Variants in ARHGAP15 observed in about 807,000 individuals in gnomAD.
ARHGAP15 encodes the protein rho GTPase-activating protein 15.
In ARHGAP15, 51 loss-of-function variants were observed where a neutral mutation model predicts 63.7. That is an observed-to-expected ratio of 0.80 (90% CI 0.64 to 1.01). The LOEUF (loss-of-function observed/expected upper bound fraction) is 1.01. ARHGAP15 is among the 50% of genes least tolerant of loss of function. The pLI is 0.00. For missense variants in ARHGAP15, 560 were observed against 564.6 expected, an observed-to-expected ratio of 0.99 and a Z score of 0.08; for synonymous variants, 191 against 193.8, an observed-to-expected ratio of 0.99 and a Z score of 0.12.
chr2:143,730,892 T>TAAAAA (rs1158246680), intron 13 of ARHGAP15, among the ~76,000 whole-genome samples: 4 of 84,052 alleles, frequency 4.8e-5, no homozygotes, highest in African/African-American at 9.2e-5. Context: ...AGCACTCCTT[T>TAAAAA]AAAAAAAAAA....
intron 10 of ARHGAP15, among the ~76,000 whole-genome samples, chr2:143,538,639 A>T (rs1022426494): frequency 2.6e-4 from 39 of 152,280 alleles, no homozygotes; most frequent in African/African-American, 9.4e-4. Flanking sequence ...TGAGATAATC[A>T]TGTGGTTTTT....
chr2:143,353,193 G>T (rs756526314), intron 6 of ARHGAP15, among the ~76,000 whole-genome samples: 3 of 152,178 alleles, frequency 2.0e-5, no homozygotes, highest in Non-Finnish European at 4.4e-5. Context: ...ACCGGAGGCT[G>T]AGTCTGAGGA....
chr2:143,177,937 C>G (rs1385446097), intron 2 of ARHGAP15, among the ~76,000 whole-genome samples: 2 of 152,106 alleles, frequency 1.3e-5, no homozygotes, highest in African/African-American at 4.8e-5. Context: ...ACTGTATCTA[C>G]TTAATATGTG....
At chr2:143,461,688 T>A (rs1574481195) in intron 8 of ARHGAP15, among the ~76,000 whole-genome samples, 1 of 152,292 alleles carries the variant, frequency 6.6e-6, no homozygotes, top group South Asian at 2.1e-4. Context: ...TCCATTTTCT[T>A]CATTATGACC....
At chr2:143,342,866 C>T (rs182137526) in intron 6 of ARHGAP15, among the ~76,000 whole-genome samples, 3 of 151,876 alleles carry the variant, frequency 2.0e-5, no homozygotes, top group African/African-American at 7.2e-5. Context: ...TATTAATCAC[C>T]TCTTCCAATA....
chr2:143,142,857 G>A (rs536285321), intron 1 of ARHGAP15, among the ~76,000 whole-genome samples: 25 of 152,152 alleles, frequency 1.6e-4, no homozygotes, highest in Middle Eastern at 3.4e-3. Context: ...TGTCTCAGAC[G>A]TAGTTATAAC....
chr2:143,491,590 G>T (rs1238199505), intron 9 of ARHGAP15, among the ~76,000 whole-genome samples: 2 of 152,080 alleles, frequency 1.3e-5, no homozygotes, highest in Admixed American at 1.3e-4. Flanking sequence ...AGAATAAATA[G>T]CACACCTCAG....
At chr2:143,180,762 C>G (rs1197575554) in intron 2 of ARHGAP15, among the ~76,000 whole-genome samples, 2 of 152,096 alleles carry the variant, frequency 1.3e-5, no homozygotes, top group Non-Finnish European at 2.9e-5. Flanking sequence ...CAAGCTCTGC[C>G]TCCCGGGTTC....
chr2:143,345,575 C>T (rs33986906), intron 6 of ARHGAP15, among the ~76,000 whole-genome samples: 34,118 of 151,700 alleles, frequency 0.22, 4,329 homozygotes, highest in East Asian at 0.4. Context: ...TTTTTTTTAA[C>T]GCTTTTGGCA....
chr2:143,423,855 G>T (rs1313771556), intron 6 of ARHGAP15, among the ~76,000 whole-genome samples: 2 of 151,976 alleles, frequency 1.3e-5, no homozygotes, highest in East Asian at 3.9e-4. Flanking sequence ...TCAGGTTATA[G>T]GTGAGAATAT....
In ARHGAP15 at chr2:143,380,000, A is replaced by C. The variant is rs574396823; in HGVS notation, c.475-55601A>C. On this transcript the variant is annotated intron_variant, in intron 6 of 13. Coordinates refer to ENST00000295095, the MANE Select transcript of ARHGAP15 (RefSeq NM_018460.4). ...GTATCTACTTTGTGTAAAGCAGTATAGTAGGTACTTTCCAAAGAAAATGAT... is the reference window on the plus strand; with the variant it reads ...GTATCTACTTTGTGTAAAGCAGTATCGTAGGTACTTTCCAAAGAAAATGAT... 3.9e-3 allele frequency among the ~76,000 whole-genome samples: 600 copies of C among 152,178 alleles called. 2 individuals carry two copies. Among genetic ancestry groups the C allele is most frequent in the African/African-American group, 0.013 (550 of 41,534 alleles).
chr2:143,433,787 AACATT>A (rs1206838594), intron 6 of ARHGAP15, among the ~76,000 whole-genome samples: 1 of 152,126 alleles, frequency 6.6e-6, no homozygotes, highest in Non-Finnish European at 1.5e-5. Context: ...CTGGCAGAGA[AACATT>A]ACATTGTACA....
At chr2:143,670,462 A>C (rs572998384) in intron 12 of ARHGAP15, among the ~76,000 whole-genome samples, 1 of 152,266 alleles carries the variant, frequency 6.6e-6, no homozygotes, top group African/African-American at 2.4e-5. Context: ...TCAGGGATCT[A>C]CCTAAGTGCA....
chr2:143,462,049 A>G (rs1279022486), intron 8 of ARHGAP15, among the ~76,000 whole-genome samples: 1 of 152,074 alleles, frequency 6.6e-6, no homozygotes, highest in African/African-American at 2.4e-5. Context: ...AGTTCCAGCT[A>G]CTCAGGAGGC....
At chr2:143,626,651 T>A (rs1257430506) in intron 12 of ARHGAP15, among the ~76,000 whole-genome samples, 4 of 152,132 alleles carry the variant, frequency 2.6e-5, no homozygotes, top group Non-Finnish European at 5.9e-5. Flanking sequence ...ATGCCCTTTT[T>A]TCAATCCTCC....
chr2:143,336,175 A>AT (rs1485462633), intron 6 of ARHGAP15, among the ~76,000 whole-genome samples: 1 of 151,974 alleles, frequency 6.6e-6, no homozygotes, highest in Non-Finnish European at 1.5e-5. Flanking sequence ...CACCTGGCTA[A>AT]TTTTTGTATT....
At chr2:143,678,849 A>T (rs1682955065) in intron 12 of ARHGAP15, among the ~76,000 whole-genome samples, 1 of 152,226 alleles carries the variant, frequency 6.6e-6, no homozygotes, top group Admixed American at 6.5e-5. Flanking sequence ...TTTTCCTAAA[A>T]GCAAATGACT....
At chr2:143,539,824 A>G (rs139092073) in intron 10 of ARHGAP15, among the ~76,000 whole-genome samples, 1 of 151,410 alleles carries the variant, frequency 6.6e-6, no homozygotes, top group African/African-American at 2.4e-5. Context: ...TTGGAATAGG[A>G]GTGGTGTGGT....
chr2:143,545,764 G>A (rs1000100384), intron 10 of ARHGAP15, among the ~76,000 whole-genome samples: 2 of 151,162 alleles, frequency 1.3e-5, no homozygotes, highest in African/African-American at 2.4e-5. Flanking sequence ...TTTTTCCTAC[G>A]TCTTCAGCAG....
Sources: gnomAD v4.1 joint callset for allele counts (sites outside exome capture counted in the v4.1 genomes callset) on GRCh38, gnomAD v4.1.1 for gene constraint, MANE v1.5 for transcripts, NCBI Gene and HGNC (gene_info 2026-07-23, HGNC 2026-07-21) for gene names.